Variants in NCKAP5 observed in about 807,000 individuals in gnomAD.
The protein encoded by NCKAP5 is nck-associated protein 5.
Under a neutral mutation model 167.0 loss-of-function variants are expected in NCKAP5, and 92 were observed. That is an observed-to-expected ratio of 0.55 (90% CI 0.47 to 0.66). NCKAP5 has a LOEUF of 0.66. Ranked by LOEUF, NCKAP5 falls within the 30% of genes least tolerant of loss-of-function variation. NCKAP5 has a pLI of 0.00. For synonymous variants in NCKAP5, 891 were observed against 877.4 expected, an observed-to-expected ratio of 1.02 and a Z score of -0.27; for missense variants, 2,378 against 2,315.0, an observed-to-expected ratio of 1.03 and a Z score of -0.56.
intron 4 of NCKAP5, among the ~76,000 whole-genome samples, chr2:133,237,047 TA>T (rs112372084): frequency 0.024 from 3,462 of 142,942 alleles, 79 homozygotes; most frequent in South Asian, 0.043. Context: ...TAAAGTATAA[TA>T]AAAAAAAAAG....
chr2:133,124,872 A>T (rs1574101989), intron 6 of NCKAP5, among the ~76,000 whole-genome samples: 1 of 151,960 alleles, frequency 6.6e-6, no homozygotes, highest in Non-Finnish European at 1.5e-5. Context: ...ACATGGTAAA[A>T]CTCCGTCTAC....
intron 5 of NCKAP5, among the ~76,000 whole-genome samples, chr2:133,179,509 C>G (rs567537471): frequency 5.1e-4 from 77 of 151,886 alleles, no homozygotes; most frequent in African/African-American, 1.8e-3. Flanking sequence ...TAGATGACAA[C>G]GAGAAGACAG....
At chr2:133,341,804 G>A (rs958329023) in intron 3 of NCKAP5, among the ~76,000 whole-genome samples, 2 of 152,126 alleles carry the variant, frequency 1.3e-5, no homozygotes, top group Admixed American at 1.3e-4. Flanking sequence ...ACAGAGCCTG[G>A]ACTTTAAAGT....
In NCKAP5 at chr2:133,517,440, T is replaced by G; in HGVS notation, c.69+18A>C. On this transcript the variant is annotated intron_variant, in intron 3 of 19. Coordinates refer to ENST00000409261, the MANE Select transcript of NCKAP5 (RefSeq NM_207363.3). ...AAGCCAAAACATATAGAGTGGTAAA[T>G]GAATATTTAGTACTTACCACAAGAC... The G allele has an allele frequency of 7.2e-7, 1 of 1,397,802 alleles. No homozygotes were observed. Among genetic ancestry groups the G allele is most frequent in the Non-Finnish European group, 9.5e-7 (1 of 1,053,400 alleles). 86.6% of individuals were successfully genotyped at this position (1,397,802 alleles called of 1,614,324 possible).
At chr2:132,956,947 G>A (rs1045987502) in intron 8 of NCKAP5, among the ~76,000 whole-genome samples, 2 of 152,022 alleles carry the variant, frequency 1.3e-5, no homozygotes, top group Non-Finnish European at 2.9e-5. Context: ...GCCAGACCTC[G>A]AAAAATGGGG....
intron 18 of NCKAP5, among the ~76,000 whole-genome samples, chr2:132,728,100 C>A (rs1028088861): frequency 6.6e-6 from 1 of 152,184 alleles, no homozygotes; most frequent in Non-Finnish European, 1.5e-5. Flanking sequence ...TTTCTCACCA[C>A]CAGGCACCAG....
At chr2:133,030,564 T>C (rs1160494602) in intron 6 of NCKAP5, among the ~76,000 whole-genome samples, 2 of 152,196 alleles carry the variant, frequency 1.3e-5, no homozygotes, top group African/African-American at 4.8e-5. Flanking sequence ...AACAAGTGAC[T>C]CAAGGTAAGT....
intron 12 of NCKAP5, among the ~76,000 whole-genome samples, chr2:132,793,665 T>C (rs939217782): frequency 1.3e-5 from 2 of 152,146 alleles, no homozygotes; most frequent in Admixed American, 6.5e-5. Flanking sequence ...CTGTCTGACA[T>C]GGGCTGTGCT....
chr2:132,915,040 G>C (rs1260476581), intron 8 of NCKAP5, among the ~76,000 whole-genome samples: 1 of 151,372 alleles, frequency 6.6e-6, no homozygotes, highest in Non-Finnish European at 1.5e-5. Context: ...CAGCAATTAG[G>C]CCTCTAAGTA....
intron 16 of NCKAP5, among the ~76,000 whole-genome samples, chr2:132,772,837 G>A (rs769774760): frequency 1.1e-4 from 16 of 152,320 alleles, no homozygotes; most frequent in African/African-American, 3.1e-4. Context: ...GCACAAGACC[G>A]CTGAGTATGC....
intron 6 of NCKAP5, among the ~76,000 whole-genome samples, chr2:133,063,015 T>A (rs928071124): frequency 4.6e-5 from 7 of 152,120 alleles, no homozygotes; most frequent in African/African-American, 1.7e-4. Flanking sequence ...TACTTCAAAG[T>A]ATAAAGAAAG....
In NCKAP5 at chr2:132,963,887, T is replaced by G. The variant is rs774264076; in HGVS notation, c.430-18A>C. The G allele has an allele frequency of 9.3e-6, 15 of 1,612,594 alleles. No individual in the cohort carries two copies. In the East Asian group the frequency reaches 1.1e-4, roughly 12 times the overall value. On this transcript the variant is annotated intron_variant, in intron 7 of 19. Transcript: ENST00000409261. ...AGCTTTTCCTGAAGCAAGAAAGAAT[T>G]ACTGTTTTCAATAATCTCCAGTGAA...
chr2:133,219,444 C>T (rs1427952217), intron 4 of NCKAP5, among the ~76,000 whole-genome samples: 1 of 152,174 alleles, frequency 6.6e-6, no homozygotes, highest in African/African-American at 2.4e-5. Context: ...TTAGATTATC[C>T]AACAAAGATC....
intron 3 of NCKAP5, among the ~76,000 whole-genome samples, chr2:133,434,351 T>C (rs918970553): frequency 1.3e-4 from 20 of 152,340 alleles, no homozygotes; most frequent in African/African-American, 4.1e-4. Flanking sequence ...CTATAAATAA[T>C]TTCAAGGAAA....
chr2:133,459,839 T>C (rs1324491627), intron 3 of NCKAP5, among the ~76,000 whole-genome samples: 1 of 152,196 alleles, frequency 6.6e-6, no homozygotes, highest in Non-Finnish European at 1.5e-5. Context: ...ACACTTTCAT[T>C]AGGAAGCACT....
At chr2:133,332,857 T>G (rs112525145) in intron 3 of NCKAP5, among the ~76,000 whole-genome samples, 1 of 152,234 alleles carries the variant, frequency 6.6e-6, no homozygotes, top group Non-Finnish European at 1.5e-5. Context: ...AGACAGCATG[T>G]CAATACCCAA....
At chr2:132,844,489 A>C (rs1232239535) in intron 11 of NCKAP5, among the ~76,000 whole-genome samples, 2 of 152,058 alleles carry the variant, frequency 1.3e-5, no homozygotes, top group Non-Finnish European at 2.9e-5. Flanking sequence ...TATATTTATA[A>C]ATTATTCATT....
intron 6 of NCKAP5, among the ~76,000 whole-genome samples, chr2:133,050,453 G>C (rs775092157): frequency 6.6e-6 from 1 of 152,134 alleles, no homozygotes; most frequent in Non-Finnish European, 1.5e-5. Context: ...AACTTTGCAC[G>C]ATTTGAAATC....
intron 6 of NCKAP5, among the ~76,000 whole-genome samples, chr2:133,096,226 C>T (rs1245097695): frequency 6.6e-6 from 1 of 152,174 alleles, no homozygotes; most frequent in Non-Finnish European, 1.5e-5. Flanking sequence ...CACAATGGCT[C>T]ACACATGTAA....
Sources: gnomAD v4.1 joint callset for allele counts (sites outside exome capture counted in the v4.1 genomes callset) on GRCh38, gnomAD v4.1.1 for gene constraint, MANE v1.5 for transcripts, NCBI Gene and HGNC (gene_info 2026-07-23, HGNC 2026-07-21) for gene names.